Variants in KAT6B observed in about 807,000 individuals in gnomAD.
KAT6B encodes histone acetyltransferase KAT6B.
KAT6B carries 10 observed loss-of-function variants against 187.5 expected under a neutral mutation model. The observed-to-expected ratio is 0.05, with a 90% CI of 0.03 to 0.09. The LOEUF is 0.09. KAT6B is among the 10% of genes least tolerant of loss of function. The probability of loss-of-function intolerance (pLI) is 1.00; values close to 1 mark genes in which losing one functional copy is unlikely to be tolerated. For synonymous variants in KAT6B, 861 were observed against 926.8 expected, an observed-to-expected ratio of 0.93 and a Z score of 1.29; for missense variants, 1,952 against 2,558.9, an observed-to-expected ratio of 0.76 and a Z score of 5.12.
chr10:74,972,593 G>A lies in KAT6B; in HGVS notation c.1015G>A (p.Ala339Thr), dbSNP rs772883795. 1 of 1,613,302 alleles carries A rather than the reference G, an allele frequency of 6.2e-7. No individual in the cohort carries two copies. Among genetic ancestry groups the A allele is most frequent in the South Asian group, 1.1e-5 (1 of 90,980 alleles). The change falls in exon 7 of 18, where the codon GCA (alanine) becomes ACA (threonine). Residue 339 changes from alanine (A) to threonine (T), a missense_variant. Ala to Thr is a moderately conservative substitution (Grantham distance 58). Coordinates refer to ENST00000287239, the MANE Select transcript of KAT6B (RefSeq NM_012330.4). Reference sequence around the variant, plus strand: ...AGCTGCACAAATAAAACGACGATATGCAAAACCCATTGGACGACCGAAAAA... The same window carrying A: ...AGCTGCACAAATAAAACGACGATATACAAAACCCATTGGACGACCGAAAAA... ...EKAAQIKRRY[A>T]KPIGRPKNKL...
intron 3 of KAT6B, among the ~76,000 whole-genome samples, chr10:74,886,027 G>A (rs543894389): frequency 5.3e-5 from 8 of 152,226 alleles, no homozygotes; most frequent in East Asian, 1.9e-4. Flanking sequence ...CACTGCGCCC[G>A]GCCAGGGGAA....
At chr10:74,864,368 A>G (rs973102986) in intron 3 of KAT6B, among the ~76,000 whole-genome samples, 6 of 151,806 alleles carry the variant, frequency 4.0e-5, no homozygotes, top group African/African-American at 1.4e-4. Flanking sequence ...AGCCTCCTGA[A>G]TAGCTGGGAT....
rs189502204 is a variant in KAT6B at position 75,012,829 on chromosome 10, C to T, written c.2630-7753C>T. ...AGCTCAGAGACACAGGCACACCACA[C>T]GGCATCGGGGAGTCACACTCCTGCC... On this transcript the variant is annotated intron_variant, in intron 13 of 17. Coordinates refer to ENST00000287239, the MANE Select transcript of KAT6B (RefSeq NM_012330.4). Among the ~76,000 whole-genome samples the T allele has an allele frequency of 1.3e-4, 20 of 152,304 alleles. 1 individual carries two copies. The highest frequency in any genetic ancestry group is 8.5e-4 in the Admixed American group (13 of 15,300).
At chr10:74,880,095 C>T (rs904843123) in intron 3 of KAT6B, among the ~76,000 whole-genome samples, 5 of 152,074 alleles carry the variant, frequency 3.3e-5, no homozygotes, top group South Asian at 2.1e-4. Context: ...TTTGCGTTAT[C>T]GTAAAATTTA....
intron 3 of KAT6B, among the ~76,000 whole-genome samples, chr10:74,859,799 C>A (rs186623301): frequency 8.1e-4 from 124 of 152,296 alleles, no homozygotes; most frequent in African/African-American, 2.9e-3. Context: ...ACAATTACAT[C>A]CTCATGGAGC....
At chr10:74,876,712 GAC>G (rs1844438826) in intron 3 of KAT6B, among the ~76,000 whole-genome samples, 1 of 151,958 alleles carries the variant, frequency 6.6e-6, no homozygotes, top group Non-Finnish European at 1.5e-5. Context: ...TCAGGAGTTT[GAC>G]ACCAGCCTGG....
chr10:74,856,167 C>T (rs1842809127), intron 3 of KAT6B, among the ~76,000 whole-genome samples: 1 of 152,104 alleles, frequency 6.6e-6, no homozygotes. Flanking sequence ...CTCACTGCAA[C>T]CTCCACCTCC....
chr10:74,991,250 T>C (rs1365479177), intron 13 of KAT6B, among the ~76,000 whole-genome samples: 2 of 152,192 alleles, frequency 1.3e-5, no homozygotes, highest in East Asian at 3.8e-4. Context: ...TTAGATGATA[T>C]AAATTAAATT....
chr10:74,942,997 A>G (rs1158822775), intron 3 of KAT6B, among the ~76,000 whole-genome samples: 1 of 152,184 alleles, frequency 6.6e-6, no homozygotes, highest in Non-Finnish European at 1.5e-5. Flanking sequence ...TAATGATAAT[A>G]CTAATACTAT....
At chr10:74,968,311 G>A (rs1841614839) in intron 4 of KAT6B, among the ~76,000 whole-genome samples, 1 of 152,058 alleles carries the variant, frequency 6.6e-6, no homozygotes, top group Non-Finnish European at 1.5e-5. Flanking sequence ...CTGCCTGGGT[G>A]TCTCTCCTGC....
intron 3 of KAT6B, among the ~76,000 whole-genome samples, chr10:74,858,104 G>T (rs1842929669): frequency 2.0e-5 from 3 of 152,138 alleles, no homozygotes; most frequent in Middle Eastern, 3.4e-3. Context: ...AAGGCCGGGG[G>T]TCAAGAGGCC....
At position 74,842,633 on chromosome 10, in the gene KAT6B, C is replaced by G. The variant is rs1377184713; in HGVS notation, c.-225C>G. The G allele has an allele frequency of 8.2e-6, 5 of 608,678 alleles. No homozygotes were observed. The highest frequency in any genetic ancestry group is 1.9e-5 in the African/African-American group (1 of 54,012). 37.7% of individuals were successfully genotyped at this position (608,678 alleles called of 1,614,324 possible). A position where few individuals can be genotyped will look rare whatever the true frequency, so the allele number is the denominator to read the frequency against. Reference sequence around the variant, plus strand: ...TTCCCAGTTAAAGATGTTCTTCACCCGAATGCAGTCTTTCCTGTTGGTAAA... The same window carrying G: ...TTCCCAGTTAAAGATGTTCTTCACCGGAATGCAGTCTTTCCTGTTGGTAAA... On this transcript the variant is annotated 5_prime_UTR_variant, in exon 3 of 18. Coordinates refer to ENST00000287239, the MANE Select transcript of KAT6B (RefSeq NM_012330.4).
intron 13 of KAT6B, among the ~76,000 whole-genome samples, chr10:75,008,948 C>G (rs1271088422): frequency 6.6e-6 from 1 of 152,156 alleles, no homozygotes; most frequent in Non-Finnish European, 1.5e-5. Flanking sequence ...AAAAGCAATT[C>G]TGTATCTCAA....
intron 3 of KAT6B, among the ~76,000 whole-genome samples, chr10:74,898,653 C>T (rs757801256): frequency 2.0e-5 from 3 of 152,110 alleles, no homozygotes; most frequent in Non-Finnish European, 4.4e-5. Flanking sequence ...CAAGGCCAGT[C>T]AGTGACAGAG....
chr10:75,026,107 C>T (rs1456315125), intron 17 of KAT6B: 1 of 145,870 alleles, frequency 6.9e-6, no homozygotes, highest in Non-Finnish European at 1.5e-5. Context: ...GATCGTGCCA[C>T]TGCACTCCAG....
At chr10:74,831,968 T>C (rs1351757823) in intron 1 of KAT6B, among the ~76,000 whole-genome samples, 2 of 152,242 alleles carry the variant, frequency 1.3e-5, no homozygotes, top group South Asian at 4.1e-4. Context: ...ACCTGTTTTT[T>C]GATAACATCC....
At chr10:74,867,923 A>G (rs1188041576) in intron 3 of KAT6B, among the ~76,000 whole-genome samples, 2 of 152,200 alleles carry the variant, frequency 1.3e-5, no homozygotes, top group Non-Finnish European at 2.9e-5. Flanking sequence ...ATGAGCAAAA[A>G]TATTTTTACT....
intron 3 of KAT6B, among the ~76,000 whole-genome samples, chr10:74,847,295 T>C (rs1404444755): frequency 6.6e-6 from 1 of 152,238 alleles, no homozygotes; most frequent in East Asian, 1.9e-4. Context: ...AATCATTTGA[T>C]TCTTAAAAAA....
At chr10:74,918,601 G>C (rs1847885970) in intron 3 of KAT6B, among the ~76,000 whole-genome samples, 1 of 152,138 alleles carries the variant, frequency 6.6e-6, no homozygotes, top group Non-Finnish European at 1.5e-5. Context: ...AAATTAGCCA[G>C]GTGTGGTGGT....
Sources: gnomAD v4.1 joint callset for allele counts (sites outside exome capture counted in the v4.1 genomes callset) on GRCh38, gnomAD v4.1.1 for gene constraint, MANE v1.5 for transcripts, NCBI Gene and HGNC (gene_info 2026-07-23, HGNC 2026-07-21) for gene names.